The following SORCS2 variants were observed in gnomAD, a reference collection of about 807,000 sequenced individuals.
SORCS2 encodes the protein VPS10 domain-containing receptor SorCS2.
In SORCS2, 100 loss-of-function variants were observed where a neutral mutation model predicts 141.6. The observed-to-expected ratio is 0.71, with a 90% CI of 0.60 to 0.83. The LOEUF (loss-of-function observed/expected upper bound fraction) is 0.83, where lower values mean the gene tolerates loss of function less well. Among genes scored for constraint, SORCS2 ranks in the 40% least tolerant of loss-of-function variants. The pLI is 0.00. For synonymous variants in SORCS2, 789 were observed against 676.9 expected, an observed-to-expected ratio of 1.17 and a Z score of -2.57; for missense variants, 1,646 against 1,560.2, an observed-to-expected ratio of 1.05 and a Z score of -0.93.
At position 7,192,990 on chromosome 4, in the gene SORCS2, G is replaced by T; in HGVS notation, c.344G>T (p.Arg115Leu). ...GACGGCGCCCCCGCCGCGGGCTACC[G>T]GCGCTGGGAGCGGGCGGCGCCGCTG... The part of the protein sequence containing the change: ...GEDGAPAAGY[R>L]RWERAAPLAG... The change falls in exon 1 of 27, where the codon CGG (arginine) becomes CTG (leucine). Residue 115 changes from arginine to leucine, a missense_variant. Transcript: ENST00000507866. This position sits in a 1 kb window ranked among gnomAD's most constrained non-coding sequence, Gnocchi z 4.0. 7.0e-7 allele frequency: 1 copy of T among 1,429,340 alleles called. No homozygotes were observed. Among genetic ancestry groups the T allele is most frequent in the Non-Finnish European group, 9.1e-7 (1 of 1,099,078 alleles). The allele number at this position is 1,429,340 out of a possible 1,614,324, so 88.5% of individuals were successfully genotyped here.
intron 25 of SORCS2, among the ~76,000 whole-genome samples, chr4:7,735,066 C>G (rs1373872679): frequency 6.6e-6 from 1 of 152,240 alleles, no homozygotes; most frequent in African/African-American, 2.4e-5. Context: ...GGCTGGACAA[C>G]TTGAAGTTCC....
chr4:7,431,467 G>A (rs1467774601), intron 2 of SORCS2: 1 of 152,298 alleles, frequency 6.6e-6, no homozygotes, highest in East Asian at 1.9e-4. Flanking sequence ...CCAAGCCAGA[G>A]GAGGGCCTAT....
At chr4:7,237,056 G>T (rs371409955) in intron 1 of SORCS2, among the ~76,000 whole-genome samples, 1 of 152,298 alleles carries the variant, frequency 6.6e-6, no homozygotes, top group African/African-American at 2.4e-5. Flanking sequence ...CAGCGCACAT[G>T]GTCACTGGCA....
chr4:7,639,969 CTGAG>C (rs1720557329), intron 4 of SORCS2, among the ~76,000 whole-genome samples: 4 of 146,892 alleles, frequency 2.7e-5, no homozygotes, highest in African/African-American at 7.6e-5. Context: ...GGGTGTGAAT[CTGAG>C]TGTAGATGTG....
intron 2 of SORCS2, among the ~76,000 whole-genome samples, chr4:7,523,519 T>C (rs1733472450): frequency 2.0e-5 from 3 of 151,636 alleles, no homozygotes; most frequent in Non-Finnish European, 4.4e-5. Flanking sequence ...GGGTTTGGAG[T>C]TGATCTGAGG....
At chr4:7,410,260 G>A (rs986330088) in intron 2 of SORCS2, among the ~76,000 whole-genome samples, 1 of 152,216 alleles carries the variant, frequency 6.6e-6, no homozygotes, top group Admixed American at 6.5e-5. Flanking sequence ...TTCATAGCCA[G>A]TTTTCAGATG....
At chr4:7,356,486 A>G (rs934544862) in intron 1 of SORCS2, among the ~76,000 whole-genome samples, 2 of 148,188 alleles carry the variant, frequency 1.3e-5, no homozygotes, top group African/African-American at 5.3e-5. Context: ...GAGCATGGAG[A>G]GAGATGGAGA....
intron 3 of SORCS2, among the ~76,000 whole-genome samples, chr4:7,604,284 G>C (rs1209298931): frequency 6.6e-6 from 1 of 152,220 alleles, no homozygotes; most frequent in Non-Finnish European, 1.5e-5. Context: ...TCGTGGTAGT[G>C]AGAGAGTTTC....
chr4:7,280,745 T>C (rs1432964106), intron 1 of SORCS2, among the ~76,000 whole-genome samples: 16 of 152,216 alleles, frequency 1.1e-4, no homozygotes, highest in Non-Finnish European at 2.4e-4. Context: ...GTTTCCCCTT[T>C]TGTAAAATAC....
At chr4:7,509,858 G>A (rs1406432309) in intron 2 of SORCS2, among the ~76,000 whole-genome samples, 1 of 152,192 alleles carries the variant, frequency 6.6e-6, no homozygotes, top group East Asian at 1.9e-4. Flanking sequence ...TAGGGGGTTG[G>A]GGGTGGCCCC....
intron 1 of SORCS2, among the ~76,000 whole-genome samples, chr4:7,374,789 C>CCT (rs1722532031): frequency 6.6e-6 from 1 of 152,186 alleles, no homozygotes; most frequent in Non-Finnish European, 1.5e-5. Context: ...GCCCCACAGC[C>CCT]ATCTTGTGCT....
chr4:7,248,002 G>A (rs1354587023), intron 1 of SORCS2, among the ~76,000 whole-genome samples: 3 of 152,356 alleles, frequency 2.0e-5, no homozygotes, highest in South Asian at 2.1e-4. Flanking sequence ...GGACAGCCCT[G>A]GGAAGGGGTG....
intron 1 of SORCS2, among the ~76,000 whole-genome samples, chr4:7,387,965 CAGAT>C (rs56023563): frequency 0.21 from 30,854 of 147,768 alleles, 3,695 homozygotes; most frequent in African/African-American, 0.34. Context: ...CACACACACA[CAGAT>C]ACACAGAGAT....
At chr4:7,217,214 C>A (rs969532094) in intron 1 of SORCS2, among the ~76,000 whole-genome samples, 6 of 152,192 alleles carry the variant, frequency 3.9e-5, no homozygotes, top group Admixed American at 1.3e-4. Context: ...CGGCCTGGAA[C>A]CTTCCATCTC....
chr4:7,700,711 C>T (rs1048459931), intron 12 of SORCS2, among the ~76,000 whole-genome samples: 26 of 152,180 alleles, frequency 1.7e-4, no homozygotes, highest in Admixed American at 5.2e-4. Context: ...GCTCCACCCC[C>T]GGGGGCAGAC....
intron 5 of SORCS2, among the ~76,000 whole-genome samples, chr4:7,658,402 G>A (rs115095910): frequency 1.3e-5 from 2 of 152,178 alleles, no homozygotes; most frequent in African/African-American, 4.8e-5. Context: ...GATGATGGAT[G>A]ATGAGGCTAA....
chr4:7,276,433 TC>T (rs1715507058), intron 1 of SORCS2, among the ~76,000 whole-genome samples: 1 of 152,106 alleles, frequency 6.6e-6, no homozygotes, highest in Non-Finnish European at 1.5e-5. Flanking sequence ...GGAACGGGCT[TC>T]ATGTTCAGTC....
intron 2 of SORCS2, among the ~76,000 whole-genome samples, chr4:7,441,439 G>C (rs996516623): frequency 1.3e-4 from 20 of 152,102 alleles, no homozygotes; most frequent in African/African-American, 4.8e-4. Context: ...TGGAGGCTGA[G>C]TGGGATGCCC....
chr4:7,409,641 G>A (rs1015536901), intron 2 of SORCS2, among the ~76,000 whole-genome samples: 3 of 152,174 alleles, frequency 2.0e-5, no homozygotes, highest in Non-Finnish European at 2.9e-5. Flanking sequence ...TTTTTCCAGG[G>A]CAGAAACAGT....
Sources: gnomAD v4.1 joint callset for allele counts (sites outside exome capture counted in the v4.1 genomes callset) on GRCh38, gnomAD v4.1.1 for gene constraint, Gnocchi (gnomAD v3.1) non-coding constraint, MANE v1.5 for transcripts, NCBI Gene and HGNC (gene_info 2026-07-23, HGNC 2026-07-21) for gene names.